Variants in ALAD observed in about 807,000 individuals in gnomAD.
The protein encoded by ALAD is aminolevulinate dehydratase.
In ALAD, 20 loss-of-function variants were observed where a neutral mutation model predicts 44.4. The observed-to-expected ratio is 0.45, with a 90% confidence interval of 0.32 to 0.65. The LOEUF is 0.65. ALAD is among the 30% of genes least tolerant of loss of function. The probability of loss-of-function intolerance (pLI) is 0.05; values close to 1 mark genes in which losing one functional copy is unlikely to be tolerated. For missense variants in ALAD, 323 were observed against 445.7 expected, an observed-to-expected ratio of 0.72 and a Z score of 2.48; for synonymous variants, 156 against 167.9, an observed-to-expected ratio of 0.93 and a Z score of 0.55.
Position 113,391,509 on chromosome 9 carries a change from C to T in ALAD, c.261+18G>A, listed in dbSNP as rs1827584170. 1 of 1,611,906 alleles carries T rather than the reference C, an allele frequency of 6.2e-7. No homozygotes were observed. On this transcript the variant is annotated intron_variant, in intron 4 of 11. Transcript: ENST00000409155. ...GTGAGCGCAACCTCCCTTCTTAGCC[C>T]TTCCTTTGATTCTTCACCTTGGGAA...
chr9:113,398,104 A>G (rs1432337458), intron 1 of ALAD: 1 of 152,250 alleles, frequency 6.6e-6, no homozygotes, highest in African/African-American at 2.4e-5. Context: ...CTCTCTGCCC[A>G]TACTGTTTCT....
rs546001979 is a variant in ALAD at position 113,388,948 on chromosome 9, GT to G, written c.931+28del. On this transcript the variant is annotated intron_variant, in intron 11 of 11. Transcript: ENST00000409155. ...GTGCTTATCAGTCCCTGTGGCGCAG[GT>G]CAAAACACCCCACCCTTGCCTGCCT... is the stretch of plus-strand genomic sequence containing the variant. 4,118 of 1,613,674 alleles carry G rather than the reference GT, an allele frequency of 2.6e-3. 11 individuals carry two copies. Among genetic ancestry groups the G allele is most frequent in the South Asian group, 5.3e-3 (482 of 91,084 alleles).
At position 113,387,878 on chromosome 9, in the gene ALAD, C is replaced by A. The variant is rs41276805; in HGVS notation, c.*422G>T. The A allele has an allele frequency of 3.2e-4, 92 of 290,814 alleles. No homozygotes were observed. Among genetic ancestry groups the A allele is most frequent in the Non-Finnish European group, 5.8e-4 (85 of 145,648 alleles). The allele number at this position is 290,814 out of a possible 1,614,324, so 18.0% of individuals were successfully genotyped here. ...GATATCGATCTAGGCCTCATTCCCA[C>A]ACCCAGCTCTGCTGCCAGAAGCGTT... On this transcript the variant is annotated 3_prime_UTR_variant, in exon 12 of 12. Transcript: ENST00000409155.
At chr9:113,389,147 T>C in intron 10 of ALAD, 41 bp from the exon 11 acceptor site, 1 of 1,612,364 alleles carries the variant, frequency 6.2e-7, no homozygotes, top group South Asian at 1.1e-5. Flanking sequence ...AAATGGAGGG[T>C]GGATGTGGCT....
At chr9:113,399,348 G>A (rs559451006) in intron 1 of ALAD, among the ~76,000 whole-genome samples, 1 of 152,320 alleles carries the variant, frequency 6.6e-6, no homozygotes, top group African/African-American at 2.4e-5. Flanking sequence ...GGGTTGGAAC[G>A]AGATGTCCTG....
In ALAD at chr9:113,390,606, C is replaced by A; in HGVS notation, c.468G>T (p.Ala156=). Residue 156 remains alanine, a synonymous_variant, in exon 6 of 12, where the codon GCG becomes GCT. Transcript: ENST00000409155. ...TGGTTCACTCACCTGCCTTGGCATA[C>A]GCCAATGCCACCTCAGCCAGCCGCT... ...SRQRLAEVAL[A]YAKAGCQVVA... is the part of the protein sequence containing the mutation. 1 of 1,614,054 alleles carries A rather than the reference C, an allele frequency of 6.2e-7. No homozygotes were observed. Among genetic ancestry groups the A allele is most frequent in the Non-Finnish European group, 8.5e-7 (1 of 1,179,994 alleles).
rs778146437 is a variant in ALAD at position 113,389,758 on chromosome 9, C to T, written c.626+15G>A. On this transcript the variant is annotated intron_variant, in intron 8 of 11. Transcript: ENST00000409155. ...GCCAGGGATTCACAGCAGACCCCTG[C>T]CCACCCCTGCTCACCGGAAAGGGCC... The T allele has an allele frequency of 6.8e-6, 11 of 1,614,234 alleles. No individual in the cohort carries two copies. In the Admixed American group the frequency reaches 1.2e-4, roughly 17 times the overall value.
intron 1 of ALAD, among the ~76,000 whole-genome samples, chr9:113,400,132 T>G (rs1827819690): frequency 6.6e-6 from 1 of 152,170 alleles, no homozygotes; most frequent in African/African-American, 2.4e-5. Context: ...ATATCTTGGC[T>G]AAGAGTCTTC....
intron 11 of ALAD, 93 bp downstream of exon 11, chr9:113,388,884 T>C (rs1174916931): frequency 3.4e-5 from 54 of 1,586,186 alleles, no homozygotes; most frequent in Non-Finnish European, 4.6e-5. Flanking sequence ...CGGAATAAGA[T>C]CCCAAGCTCT....
intron 3 of ALAD, 34 bp downstream of exon 3, chr9:113,392,085 C>T (rs1159112376): frequency 1.3e-6 from 2 of 1,569,860 alleles, no homozygotes; most frequent in Non-Finnish European, 1.7e-6. Flanking sequence ...TCTCCCTCCA[C>T]CACCCGCTGG....
intron 2 of ALAD, 172 bp from the exon 3 acceptor site, chr9:113,392,341 A>T: frequency 6.6e-7 from 1 of 1,518,816 alleles, no homozygotes; most frequent in East Asian, 2.3e-5. Context: ...AGGGCCTGAA[A>T]TAATAATAGG....
intron 1 of ALAD, among the ~76,000 whole-genome samples, chr9:113,400,095 A>G (rs7021649): frequency 0.035 from 5,285 of 152,288 alleles, 268 homozygotes; most frequent in African/African-American, 0.11. Context: ...TAGACGTAGG[A>G]GAAGCTGCCA....
rs963361226 is a variant in ALAD at position 113,388,032 on chromosome 9, A to T, written c.*268T>A. 6 of 506,274 alleles carry T rather than the reference A, an allele frequency of 1.2e-5. No individual in the cohort carries two copies. Among genetic ancestry groups the T allele is most frequent in the Non-Finnish European group, 1.8e-5 (5 of 277,862 alleles). The allele number at this position is 506,274 out of a possible 1,614,324, so 31.4% of individuals were successfully genotyped here. A position where few individuals can be genotyped will look rare whatever the true frequency, so the allele number is the denominator to read the frequency against. On this transcript the variant is annotated 3_prime_UTR_variant, in exon 12 of 12. Coordinates refer to ENST00000409155, the MANE Select transcript of ALAD (RefSeq NM_000031.6). ...TGCTTTCAAGCTGAAGCCACACCAGAGGAAAGAGCTGAGGGTGGCAAAGGT... is the reference window on the plus strand; with the variant it reads ...TGCTTTCAAGCTGAAGCCACACCAGTGGAAAGAGCTGAGGGTGGCAAAGGT...
Position 113,394,529 on chromosome 9 carries a change from C to T in ALAD, c.-75-895G>A, listed in dbSNP as rs1023304692. ...CTCCAGCCTGGGTGAGAGAGGGAGA[C>T]GTCTCTAAAAAAAAATAATAATTTT... On this transcript the variant is annotated intron_variant, in intron 1 of 11. Coordinates refer to ENST00000409155, the MANE Select transcript of ALAD (RefSeq NM_000031.6). Among the ~76,000 whole-genome samples the T allele has an allele frequency of 4.0e-5, 6 of 150,830 alleles. No individual in the cohort carries two copies. In the East Asian group the frequency reaches 5.9e-4, roughly 15 times the overall value.
In ALAD at chr9:113,389,599, C is replaced by CT; in HGVS notation, c.713_714insA (p.Asp239GlyfsTer9). 6.2e-7 allele frequency: 1 copy of CT among 1,614,150 alleles called. No individual in the cohort carries two copies. The highest frequency in any genetic ancestry group is 8.5e-7 in the Non-Finnish European group (1 of 1,180,046). Reference sequence around the variant, plus strand: ...TGGGGCTCAAGTCCTAGTCACTCACCACAGCTCGGAGAGCCAGGCCTCGTG... The same window carrying CT: ...TGGGGCTCAAGTCCTAGTCACTCACCTACAGCTCGGAGAGCCAGGCCTCGTG... On this transcript the variant is annotated frameshift_variant and splice_region_variant, in exon 9 of 12. Transcript: ENST00000409155. LOFTEE classifies it high-confidence loss of function.
chr9:113,400,065 C>CGCCTCTGGGGT lies in ALAD; in HGVS notation c.-76+1136_-76+1146dup, dbSNP rs529686489. Among the ~76,000 whole-genome samples, 7 of 152,322 alleles carry CGCCTCTGGGGT rather than the reference C, an allele frequency of 4.6e-5. No individual in the cohort carries two copies. The East Asian group carries it at 1.3e-3, about 29-fold the overall frequency. On this transcript the variant is annotated intron_variant, in intron 1 of 11. Coordinates refer to ENST00000409155, the MANE Select transcript of ALAD (RefSeq NM_000031.6). Reference sequence around the variant, plus strand: ...GCCCTGGGGCTTTGAAGAGCCTGATCGCCTCTGGGGTTAGCCATTTAGACG... The same window carrying CGCCTCTGGGGT: ...GCCCTGGGGCTTTGAAGAGCCTGATCGCCTCTGGGGTGCCTCTGGGGTTAGCCATTTAGACG...
rs531328691 is a variant in ALAD, at chr9:113,389,149, G to A, written c.802-43C>T. ...GGGAGACAGGCTGAAATGGAGGGTG[G>A]ATGTGGCTCTGGAAGCGTCCCTTCC... On this transcript the variant is annotated intron_variant, in intron 10 of 11. Coordinates refer to ENST00000409155, the MANE Select transcript of ALAD (RefSeq NM_000031.6). The A allele has an allele frequency of 2.7e-5, 43 of 1,612,736 alleles. No individual in the cohort carries two copies. The South Asian group carries it at 4.3e-4, about 16-fold the overall frequency.
At position 113,390,420 on chromosome 9, in the gene ALAD, A is replaced by G. The variant is rs773932194; in HGVS notation, c.555T>C (p.His185=). The change falls in exon 7 of 12, where the codon CAT becomes CAC. Residue 185 remains histidine (H), a synonymous_variant. Coordinates refer to ENST00000409155, the MANE Select transcript of ALAD (RefSeq NM_000031.6). ...VEAIKEALMA[H]GLGNRVSVMS... ...CTGCCCTTACCCTGTTGCCAAGTCCATGTGCCATCAGGGCCTCTTTGATGG... is the reference window on the plus strand; with the variant it reads ...CTGCCCTTACCCTGTTGCCAAGTCCGTGTGCCATCAGGGCCTCTTTGATGG... 12 of 1,614,046 alleles carry G rather than the reference A, an allele frequency of 7.4e-6. No homozygotes were observed. In the South Asian group the frequency reaches 1.3e-4, roughly 18 times the overall value.
chr9:113,396,374 G>A (rs1457402491), intron 1 of ALAD: 1 of 140,928 alleles, frequency 7.1e-6, no homozygotes, highest in Non-Finnish European at 1.5e-5. Context: ...GGGCGACAGT[G>A]TGAGACTCCA....
Sources: allele counts gnomAD v4.1 joint callset (sites outside exome capture counted in the v4.1 genomes callset), GRCh38; gene constraint gnomAD v4.1.1; transcripts MANE v1.5; gene names NCBI Gene and HGNC (gene_info 2026-07-23, HGNC 2026-07-21).